PARP16: variants seen among roughly 807,000 people sequenced by gnomAD.
PARP16 encodes poly(ADP-ribose) polymerase family member 16, also known as protein mono-ADP-ribosyltransferase PARP16.
In PARP16, 31 loss-of-function variants were observed where a neutral mutation model predicts 35.0. That is an observed-to-expected ratio of 0.88 (90% confidence interval 0.66 to 1.19). The LOEUF is 1.19. Among genes scored for constraint, PARP16 ranks in the 50% most tolerant of loss-of-function variants. The pLI, the probability that PARP16 is intolerant of heterozygous loss-of-function variation, is 0.00. For missense variants in PARP16, 424 were observed against 411.2 expected (o/e 1.03, Z -0.27); for synonymous variants, 162 against 169.5 (o/e 0.96, Z 0.34).
chr15:65,274,421 A>C (rs560881002), intron 1 of PARP16, among the ~76,000 whole-genome samples: 30 of 151,976 alleles, frequency 2.0e-4, no homozygotes, highest in Middle Eastern at 3.4e-3. Context: ...CAAACAACAA[A>C]AAAAAATTAT....
chr15:65,248,269 T>C (rs1453710854), intron 2 of PARP16: 2 of 456,458 alleles, frequency 4.4e-6, no homozygotes, highest in Admixed American at 4.7e-5. Flanking sequence ...TTTAAAAATG[T>C]CCAAGTAAAT....
rs76802364 is a variant in PARP16 at position 65,269,813 on chromosome 15, A to G, written c.312+1122T>C. 3.5e-3 allele frequency among the ~76,000 whole-genome samples: 528 copies of G among 152,352 alleles called. 4 individuals are homozygous for G. Among genetic ancestry groups the G allele is most frequent in the African/African-American group, 0.012 (487 of 41,584 alleles). On this transcript the variant is annotated intron_variant, in intron 2 of 5. Transcript: ENST00000649807. ...TTAACTGGTCCACAATCAAAAGTCT[A>G]GGAGCTATTTATTGCCTTATCTACT...
At chr15:65,273,888 A>AC (rs1160430936) in intron 1 of PARP16, among the ~76,000 whole-genome samples, 97 of 151,444 alleles carry the variant, frequency 6.4e-4, no homozygotes, top group African/African-American at 2.3e-3. Context: ...AAAAAAAAAA[A>AC]AACAAAAAAC....
chr15:65,265,315 C>T (rs1221588228), intron 3 of PARP16, among the ~76,000 whole-genome samples: 1 of 152,324 alleles, frequency 6.6e-6, no homozygotes, highest in African/African-American at 2.4e-5. Flanking sequence ...CCTTTGCATA[C>T]ATGAACTGTT....
In PARP16 at chr15:65,274,530, T is replaced by C. The variant is rs116290980; in HGVS notation, c.175-3458A>G. Among the ~76,000 whole-genome samples the C allele has an allele frequency of 1.8e-3, 279 of 151,624 alleles. 2 individuals are homozygous for C. Among genetic ancestry groups the C allele is most frequent in the African/African-American group, 6.3e-3 (259 of 41,342 alleles). On this transcript the variant is annotated intron_variant, in intron 1 of 5. Transcript: ENST00000649807. ...TAGAAGATGCAGTGAGCCATGATTG[T>C]TCTACTGCACTCCAGCCTGGGTGAC...
intron 1 of PARP16, among the ~76,000 whole-genome samples, chr15:65,274,045 C>A (rs960089034): frequency 1.3e-5 from 2 of 151,616 alleles, no homozygotes; most frequent in African/African-American, 4.8e-5. Flanking sequence ...ATCCATCCCA[C>A]CCCCACCCGA....
At position 65,286,705 on chromosome 15, in the gene PARP16, C is replaced by A; in HGVS notation, c.-279G>T. The A allele has an allele frequency of 3.8e-6, 1 of 261,480 alleles. No homozygotes were observed. Among genetic ancestry groups the A allele is most frequent in the Non-Finnish European group, 6.9e-6 (1 of 144,274 alleles). 16.2% of individuals were successfully genotyped at this position (261,480 alleles called of 1,614,324 possible). ...GGGCCCAGGGATAAAGGAACTGGGG[C>A]TGGTGGGGGGGAGGGGTTCCCGGCC... On this transcript the variant is annotated 5_prime_UTR_variant, in exon 1 of 6. Coordinates refer to ENST00000649807, the MANE Select transcript of PARP16 (RefSeq NM_001316943.2).
At chr15:65,235,671 T>C (rs558961434) in intron 3 of PARP16, among the ~76,000 whole-genome samples, 2 of 147,886 alleles carry the variant, frequency 1.4e-5, no homozygotes, top group Non-Finnish European at 3.0e-5. Flanking sequence ...TAGCCGGGCA[T>C]GGTGGTACAT....
At chr15:65,275,662 A>T (rs2090231708) in intron 1 of PARP16, among the ~76,000 whole-genome samples, 1 of 151,776 alleles carries the variant, frequency 6.6e-6, no homozygotes, top group African/African-American at 2.4e-5. Context: ...ATCTCAAATG[A>T]TCCTGTGAAG....
intron 3 of PARP16, among the ~76,000 whole-genome samples, chr15:65,243,385 G>A (rs751559984): frequency 6.6e-6 from 1 of 152,024 alleles, no homozygotes; most frequent in Non-Finnish European, 1.5e-5. Context: ...CAAGTAGCTG[G>A]GACTACAGGT....
chr15:65,286,482 G>C lies in PARP16; in HGVS notation c.-56C>G. On this transcript the variant is annotated 5_prime_UTR_variant, in exon 1 of 6. Transcript: ENST00000649807. Reference sequence around the variant, plus strand: ...GCGCTGGTTAGGGGCAAGGGCGAGCGTGCGTTCAGCGCGGGGGCTGGGCCC... The same window carrying C: ...GCGCTGGTTAGGGGCAAGGGCGAGCCTGCGTTCAGCGCGGGGGCTGGGCCC... 1 of 1,320,020 alleles carries C rather than the reference G, an allele frequency of 7.6e-7. No homozygotes were observed. The highest frequency in any genetic ancestry group is 3.5e-5 in the Admixed American group (1 of 28,922). 81.8% of individuals were successfully genotyped at this position (1,320,020 alleles called of 1,614,324 possible).
chr15:65,267,933 C>T (rs1007875619), intron 2 of PARP16, among the ~76,000 whole-genome samples: 6 of 151,938 alleles, frequency 3.9e-5, no homozygotes, highest in Admixed American at 3.3e-4. Context: ...CCTCGTGATC[C>T]ACCCGCCTCA....
At chr15:65,283,980 C>A (rs2090500043) in intron 1 of PARP16, among the ~76,000 whole-genome samples, 1 of 152,212 alleles carries the variant, frequency 6.6e-6, no homozygotes, top group African/African-American at 2.4e-5. Context: ...GTGGTCACCA[C>A]TTGAGATGCC....
In PARP16 at chr15:65,286,471, C is replaced by T. The variant is rs756368685; in HGVS notation, c.-45G>A. The T allele has an allele frequency of 4.2e-5, 57 of 1,371,064 alleles. No individual in the cohort carries two copies. The highest frequency in any genetic ancestry group is 5.3e-5 in the Non-Finnish European group (56 of 1,054,356). The allele number at this position is 1,371,064 out of a possible 1,614,324, so 84.9% of individuals were successfully genotyped here. On this transcript the variant is annotated 5_prime_UTR_variant, in exon 1 of 6. Transcript: ENST00000649807. ...CCGGGGTAGACGCGCTGGTTAGGGG[C>T]AAGGGCGAGCGTGCGTTCAGCGCGG...
At chr15:65,274,573 C>T (rs950704953) in intron 1 of PARP16, among the ~76,000 whole-genome samples, 8 of 90,106 alleles carry the variant, frequency 8.9e-5, no homozygotes, top group Non-Finnish European at 2.2e-4. Flanking sequence ...AACCCTGTCT[C>T]GAATAAAAAA....
At chr15:65,269,205 T>TCTCTCTCTCTCTCTCTCCTCTCTCTCTC (rs1567029678) in intron 2 of PARP16, among the ~76,000 whole-genome samples, 8 of 147,372 alleles carry the variant, frequency 5.4e-5, no homozygotes, top group African/African-American at 2.1e-4. Context: ...TCTTTCTTTC[T>TCTCTCTCTCTCTCTCTCCTCTCTCTCTC]TTTTTTTTTG....
In PARP16 at chr15:65,271,732, T is replaced by C. The variant is rs145744958; in HGVS notation, c.175-660A>G. ...TATGGCATGCCACCCACTGGAGGTG[T>C]GACTGAATACATGATACATGCACAT... On this transcript the variant is annotated intron_variant, in intron 1 of 5. Transcript: ENST00000649807. Among the ~76,000 whole-genome samples, 435 of 152,254 alleles carry C rather than the reference T, an allele frequency of 2.9e-3. 2 individuals carry two copies. Among genetic ancestry groups the C allele is most frequent in the African/African-American group, 1.0e-2 (415 of 41,536 alleles).
chr15:65,270,902 T>A, intron 2 of PARP16, 33 bp downstream of exon 2: 1 of 1,611,708 alleles, frequency 6.2e-7, no homozygotes, highest in Non-Finnish European at 8.5e-7. Flanking sequence ...CTTAGGCCCC[T>A]AAAATCTGTG....
At chr15:65,269,205 T>TCTCTCTCTCTCTCTCTCTCC (rs1567029678) in intron 2 of PARP16, among the ~76,000 whole-genome samples, 2 of 147,308 alleles carry the variant, frequency 1.4e-5, no homozygotes, top group African/African-American at 5.1e-5. Context: ...TCTTTCTTTC[T>TCTCTCTCTCTCTCTCTCTCC]TTTTTTTTTG....
Sources: allele counts gnomAD v4.1 joint callset (sites outside exome capture counted in the v4.1 genomes callset), GRCh38; gene constraint gnomAD v4.1.1; transcripts MANE v1.5; gene names NCBI Gene and HGNC (gene_info 2026-07-23, HGNC 2026-07-21).